HPSE: variants seen among roughly 807,000 people sequenced by gnomAD.
HPSE encodes the protein heparanase, also known as endo-glucoronidase.
HPSE carries 48 observed loss-of-function variants against 65.1 expected under a neutral mutation model. That is an observed-to-expected ratio of 0.74 (90% CI 0.58 to 0.94). The LOEUF is 0.94. Among genes scored for constraint, HPSE ranks in the 40% least tolerant of loss-of-function variants. The pLI is 0.00. For missense variants in HPSE, 644 were observed against 637.5 expected, an observed-to-expected ratio of 1.01 and a Z score of -0.11; for synonymous variants, 243 against 260.0, an observed-to-expected ratio of 0.93 and a Z score of 0.63.
rs888283947 is a variant in HPSE, at chr4:83,334,466, T to C, written c.227+90A>G. 6 of 1,404,808 alleles carry C rather than the reference T, an allele frequency of 4.3e-6. No individual in the cohort carries two copies. In the African/African-American group the frequency reaches 5.8e-5, roughly 14 times the overall value. 87.0% of individuals were successfully genotyped at this position (1,404,808 alleles called of 1,614,324 possible). A position where few individuals can be genotyped will look rare whatever the true frequency, so the allele number is the denominator to read the frequency against. On this transcript the variant is annotated intron_variant, in intron 1 of 11. Coordinates refer to ENST00000311412, the MANE Select transcript of HPSE (RefSeq NM_001098540.3). ...CGGGGAGGTTCCGGTGTGAAGTTGT[T>C]TCCGCGCAAAAGAAGGAGAGCGGCT... is the stretch of plus-strand genomic sequence containing the variant.
chr4:83,327,771 A>G (rs1209397137), intron 1 of HPSE, among the ~76,000 whole-genome samples: 1 of 152,224 alleles, frequency 6.6e-6, no homozygotes, highest in African/African-American at 2.4e-5. Context: ...AACTGTTGGC[A>G]GTTTGGAATT....
Position 83,319,476 on chromosome 4 carries a change from G to A in HPSE, c.374-7C>T, listed in dbSNP as rs772176965. The A allele has an allele frequency of 4.3e-6, 7 of 1,612,846 alleles. No individual in the cohort carries two copies. Among genetic ancestry groups the A allele is most frequent in the Non-Finnish European group, 5.1e-6 (6 of 1,179,062 alleles). On this transcript the variant is annotated splice_polypyrimidine_tract_variant and splice_region_variant and intron_variant, in intron 2 of 11. Coordinates refer to ENST00000311412, the MANE Select transcript of HPSE (RefSeq NM_001098540.3). ...GATCCATATTTGCAAATATCTGCAA[G>A]TGGAAGAGATCATTTAGAAGGTCTG...
chr4:83,305,621 T>C (rs934514301), intron 9 of HPSE, among the ~76,000 whole-genome samples: 4 of 152,234 alleles, frequency 2.6e-5, no homozygotes, highest in Non-Finnish European at 5.9e-5. Context: ...CTGACATATA[T>C]TTAGACATAC....
At chr4:83,309,038 A>G in intron 7 of HPSE, 87 bp from the exon 8 acceptor site, 2 of 1,010,412 alleles carry the variant, frequency 2.0e-6, no homozygotes, top group Non-Finnish European at 3.1e-6. Flanking sequence ...AGCATTCAAA[A>G]CTTTGTATTC....
intron 1 of HPSE, among the ~76,000 whole-genome samples, chr4:83,332,138 T>C (rs1460789603): frequency 2.6e-5 from 4 of 152,242 alleles, no homozygotes; most frequent in African/African-American, 9.6e-5. Context: ...TTTCGTCTGC[T>C]CAGCTCTTGC....
At chr4:83,317,079 A>G (rs1283022997) in intron 3 of HPSE, among the ~76,000 whole-genome samples, 1 of 152,036 alleles carries the variant, frequency 6.6e-6, no homozygotes, top group Non-Finnish European at 1.5e-5. Flanking sequence ...TTGTATTTTT[A>G]GTAGAAATGA....
intron 3 of HPSE, among the ~76,000 whole-genome samples, chr4:83,317,710 C>T (rs938658265): frequency 6.6e-6 from 1 of 152,026 alleles, no homozygotes; most frequent in Non-Finnish European, 1.5e-5. Flanking sequence ...ATGTTTAATG[C>T]GACCCCCCAA....
intron 3 of HPSE, among the ~76,000 whole-genome samples, chr4:83,314,664 A>C (rs1421772400): frequency 6.6e-6 from 1 of 152,190 alleles, no homozygotes; most frequent in Non-Finnish European, 1.5e-5. Flanking sequence ...TATCATATGC[A>C]TAATAAGTCC....
intron 4 of HPSE, among the ~76,000 whole-genome samples, chr4:83,312,632 G>C (rs112430541): frequency 4.1e-5 from 6 of 146,734 alleles, no homozygotes; most frequent in East Asian, 2.0e-4. Flanking sequence ...GAGCCGAGAT[G>C]GCGCCACTGC....
At position 83,310,851 on chromosome 4, in the gene HPSE, T is replaced by C. The variant is rs1736339924; in HGVS notation, c.713A>G (p.Asn238Ser). The C allele has an allele frequency of 6.2e-7, 1 of 1,613,714 alleles. No homozygotes were observed. The highest frequency in any genetic ancestry group is 1.7e-5 in the Admixed American group (1 of 59,978). Residue 238 changes from asparagine (N) to serine (S), a missense_variant, in exon 5 of 12, where the codon AAT (asparagine) becomes AGT (serine). Asn to Ser is a conservative substitution (Grantham distance 46, BLOSUM62 1). Transcript: ENST00000311412. ...AAAATCTTCTCCTAACTGCGACCCATTGATGAAAATATCAGCCTTCTTAAG... is the reference window on the plus strand; with the variant it reads ...AAAATCTTCTCCTAACTGCGACCCACTGATGAAAATATCAGCCTTCTTAAG... ...SFLKKADIFI[N>S]GSQLGEDFIQ...
rs1735657035 is a variant in HPSE at position 83,294,594 on chromosome 4, C to T, written c.*750G>A. The T allele has an allele frequency of 6.6e-6, 1 of 152,044 alleles. No individual in the cohort carries two copies. Among genetic ancestry groups the T allele is most frequent in the Non-Finnish European group, 1.5e-5 (1 of 68,038 alleles). The allele number at this position is 152,044 out of a possible 1,614,324, so 9.4% of individuals were successfully genotyped here. A position where few individuals can be genotyped will look rare whatever the true frequency, so the allele number is the denominator to read the frequency against. On this transcript the variant is annotated 3_prime_UTR_variant, in exon 12 of 12. Coordinates refer to ENST00000311412, the MANE Select transcript of HPSE (RefSeq NM_001098540.3). ...GTAACATAGCGAGACCCCATCTCTA[C>T]AAAAAATTTTTTAAAAATAGCCAAG...
chr4:83,320,456 C>A (rs2126193926), intron 2 of HPSE, among the ~76,000 whole-genome samples: 1 of 152,124 alleles, frequency 6.6e-6, no homozygotes, highest in East Asian at 1.9e-4. Flanking sequence ...GTCCCAGCTA[C>A]TCGGGAGACC....
Position 83,309,444 on chromosome 4 carries a change from A to C in HPSE, c.942T>G (p.Asp314Glu). Residue 314 changes from aspartate (D) to glutamate (E), a missense_variant, in exon 7 of 12, where the codon GAT becomes GAG. Physicochemically the swap from Asp to Glu is conservative, Grantham distance 45 (BLOSUM62 2). Coordinates refer to ENST00000311412, the MANE Select transcript of HPSE (RefSeq NM_001098540.3). ...TATKEDFLNPDVLDIFISSVQ... is the reference protein window; with the variant it reads ...TATKEDFLNPEVLDIFISSVQ... ...CAGATGAAATAAAAATGTCCAATAC[A>C]TCAGGGTTTAGAAAATCTTCCTTGG... 6.3e-7 allele frequency: 1 copy of C among 1,595,322 alleles called. No homozygotes were observed.
At chr4:83,332,842 G>A (rs1737440073) in intron 1 of HPSE, among the ~76,000 whole-genome samples, 1 of 152,126 alleles carries the variant, frequency 6.6e-6, no homozygotes, top group African/African-American at 2.4e-5. Context: ...GGAATATGCT[G>A]GCTACAGCAA....
rs2126180263 is a variant in HPSE, at chr4:83,295,420, C to T, written c.1556G>A (p.Gly519Glu). The change falls in exon 12 of 12, where the codon GGA (glycine) becomes GAA (glutamate). Residue 519 changes from glycine to glutamate, a missense_variant. By Grantham distance (98) the Gly-to-Glu change is moderately conservative. Transcript: ENST00000311412. ...PPLMEKPLRP[G>E]SSLGLPAFSY... ...GAAAGCTGGCAAGCCCAGTGAACTTCCTGGCCGGAGAGGTTTTTCCATTAA... is the reference window on the plus strand; with the variant it reads ...GAAAGCTGGCAAGCCCAGTGAACTTTCTGGCCGGAGAGGTTTTTCCATTAA... 7 of 1,613,562 alleles carry T rather than the reference C, an allele frequency of 4.3e-6. No individual in the cohort carries two copies. The highest frequency in any genetic ancestry group is 2.2e-5 in the East Asian group (1 of 44,870).
intron 1 of HPSE, among the ~76,000 whole-genome samples, chr4:83,334,031 G>A (rs1000685735): frequency 1.3e-5 from 2 of 152,168 alleles, no homozygotes; most frequent in Non-Finnish European, 2.9e-5. Flanking sequence ...AAGTACTGGG[G>A]CAAGTGGGCA....
chr4:83,334,034 A>G (rs943746652), intron 1 of HPSE, among the ~76,000 whole-genome samples: 5 of 152,154 alleles, frequency 3.3e-5, no homozygotes, highest in Non-Finnish European at 7.3e-5. Context: ...TACTGGGGCA[A>G]GTGGGCAGTT....
rs1736342581 is a variant in HPSE at position 83,310,901 on chromosome 4, G to C, written c.674-11C>G. 6.3e-7 allele frequency: 1 copy of C among 1,594,762 alleles called. No individual in the cohort carries two copies. ...GGAAACTGTTAGGTTCTGAAAGACA[G>C]CAATTCTCAAAATATATATCGAGAA... On this transcript the variant is annotated splice_polypyrimidine_tract_variant and intron_variant, in intron 4 of 11. Coordinates refer to ENST00000311412, the MANE Select transcript of HPSE (RefSeq NM_001098540.3).
At chr4:83,316,821 A>G (rs1736663744) in intron 3 of HPSE, among the ~76,000 whole-genome samples, 3 of 152,224 alleles carry the variant, frequency 2.0e-5, no homozygotes, top group Non-Finnish European at 4.4e-5. Flanking sequence ...GCACCATACA[A>G]GAGGACCTGT....
Sources: gnomAD v4.1 joint callset for allele counts (sites outside exome capture counted in the v4.1 genomes callset) on GRCh38, gnomAD v4.1.1 for gene constraint, MANE v1.5 for transcripts, NCBI Gene and HGNC (gene_info 2026-07-23, HGNC 2026-07-21) for gene names.